CHRM5: variants seen among roughly 807,000 people sequenced by gnomAD.
CHRM5 encodes the protein cholinergic receptor muscarinic 5.
CHRM5 carries 18 observed loss-of-function variants against 39.0 expected under a neutral mutation model. The ratio of observed to expected loss-of-function variants is 0.46; its 90% CI spans 0.32 to 0.68. CHRM5 has a LOEUF of 0.68. CHRM5 is among the 30% of genes least tolerant of loss of function. The probability of loss-of-function intolerance (pLI) is 0.04; values close to 1 mark genes in which losing one functional copy is unlikely to be tolerated. For synonymous variants in CHRM5, 241 were observed against 246.3 expected, an observed-to-expected ratio of 0.98 and a Z score of 0.20; for missense variants, 515 against 651.1, an observed-to-expected ratio of 0.79 and a Z score of 2.28.
At chr15:33,975,767 T>C (rs897428859) in intron 1 of CHRM5, among the ~76,000 whole-genome samples, 2 of 152,106 alleles carry the variant, frequency 1.3e-5, no homozygotes, top group African/African-American at 4.8e-5. Context: ...CCATCTCTAC[T>C]GAGAATACAA....
In CHRM5 at chr15:34,063,900, A is replaced by T. The variant is rs1246594524; in HGVS notation, c.1183A>T (p.Asn395Tyr). Residue 395 changes from asparagine (N) to tyrosine (Y), a missense_variant, in exon 3 of 3, where the codon AAT (asparagine) becomes TAT (tyrosine). Asn to Tyr is a moderately radical substitution (Grantham distance 143). Transcript: ENST00000383263. The surrounding 1 kb of genome is among the most constrained non-coding windows in gnomAD (Gnocchi z 4.1). ...AGCTGACGGGAACCAGGAGACCAAC[A>T]ATGGCTGTCACAAGGTGAAAATCAT... Reference protein sequence around the residue: ...VKADGNQETNNGCHKVKIMPC... With the variant: ...VKADGNQETNYGCHKVKIMPC... The T allele has an allele frequency of 6.2e-7, 1 of 1,614,074 alleles. No homozygotes were observed. The highest frequency in any genetic ancestry group is 8.5e-7 in the Non-Finnish European group (1 of 1,180,034).
At chr15:33,983,709 C>G (rs929172971) in intron 1 of CHRM5, among the ~76,000 whole-genome samples, 1 of 152,026 alleles carries the variant, frequency 6.6e-6, no homozygotes, top group African/African-American at 2.4e-5. Context: ...CTTAGTGACT[C>G]GCTGCTAGTG....
Position 34,038,932 on chromosome 15 carries a change from C to T in CHRM5, c.-407-7608C>T, listed in dbSNP as rs1319346116. On this transcript the variant is annotated intron_variant, in intron 1 of 2. Coordinates refer to ENST00000383263, the MANE Select transcript of CHRM5 (RefSeq NM_012125.4). ...CCGTCCCCGCCGCCGCCTCCGCCGC[C>T]GCCTCTGGCTACCGCCGCTGCGGCT... 8 of 1,104,712 alleles carry T rather than the reference C, an allele frequency of 7.2e-6. No individual in the cohort carries two copies. In the Admixed American group the frequency reaches 3.5e-4, roughly 49 times the overall value. The allele number at this position is 1,104,712 out of a possible 1,614,324, so 68.4% of individuals were successfully genotyped here.
At chr15:34,048,397 G>A (rs1270140364) in intron 2 of CHRM5, among the ~76,000 whole-genome samples, 1 of 145,940 alleles carries the variant, frequency 6.9e-6, no homozygotes, top group Non-Finnish European at 1.5e-5. Flanking sequence ...TGACAAGGAA[G>A]GGTCCCCCAC....
At chr15:33,990,381 G>GA (rs907528236) in intron 1 of CHRM5, among the ~76,000 whole-genome samples, 11 of 147,024 alleles carry the variant, frequency 7.5e-5, no homozygotes, top group East Asian at 5.9e-4. Flanking sequence ...GACCCTGTCT[G>GA]AAAAAAAAAA....
Position 34,037,105 on chromosome 15 carries a change from G to A in CHRM5, c.-407-9435G>A, listed in dbSNP as rs550032860. On this transcript the variant is annotated intron_variant, in intron 1 of 2. Transcript: ENST00000383263. ...GCCTGGGCAACAAGAGTAAAACTCC[G>A]TCTCAAAAAAAAAAAAAAAATATAT... 4.2e-3 allele frequency among the ~76,000 whole-genome samples: 531 copies of A among 125,500 alleles called. 4 individuals carry two copies. Among genetic ancestry groups the A allele is most frequent in the African/African-American group, 0.021 (497 of 23,294 alleles). The allele number at this position is 125,500 out of a possible 152,430, so 82.3% of individuals were successfully genotyped here. A position where few individuals can be genotyped will look rare whatever the true frequency, so the allele number is the denominator to read the frequency against.
intron 1 of CHRM5, among the ~76,000 whole-genome samples, chr15:34,045,476 C>A (rs1391053884): frequency 6.6e-6 from 1 of 152,224 alleles, no homozygotes; most frequent in Non-Finnish European, 1.5e-5. Context: ...AGTCCTTCCT[C>A]ATATCTAACA....
intron 1 of CHRM5, among the ~76,000 whole-genome samples, chr15:33,982,463 A>G (rs1896194739): frequency 6.6e-6 from 1 of 152,200 alleles, no homozygotes; most frequent in South Asian, 2.1e-4. Flanking sequence ...CTACTAAAAT[A>G]TTTTCTGGAG....
At chr15:34,003,058 TCTGTTCCC>T (rs776255372) in intron 1 of CHRM5, 1 of 1,613,892 alleles carries the variant, frequency 6.2e-7, no homozygotes, top group Non-Finnish European at 8.5e-7. Flanking sequence ...GACACTGAAA[TCTGTTCCC>T]CTCTGTGACT....
At chr15:34,047,170 C>T (rs925810909) in intron 2 of CHRM5, among the ~76,000 whole-genome samples, 36 of 151,918 alleles carry the variant, frequency 2.4e-4, no homozygotes, top group African/African-American at 8.7e-4. Flanking sequence ...CTCCGCCTCC[C>T]GGGTTCACGC....
intron 1 of CHRM5, among the ~76,000 whole-genome samples, chr15:33,984,315 A>G (rs1896323928): frequency 6.6e-6 from 1 of 152,138 alleles, no homozygotes; most frequent in South Asian, 2.1e-4. Flanking sequence ...AAGTAATTGG[A>G]CCTTAATGTC....
chr15:33,993,182 T>C (rs1641955043), intron 1 of CHRM5, among the ~76,000 whole-genome samples: 1 of 152,198 alleles, frequency 6.6e-6, no homozygotes, highest in Non-Finnish European at 1.5e-5. Flanking sequence ...AGAAGAAATT[T>C]CTCATAGATC....
At chr15:34,003,294 G>A (rs1897211533) in intron 1 of CHRM5, 1 of 1,184,864 alleles carries the variant, frequency 8.4e-7, no homozygotes, top group Non-Finnish European at 1.2e-6. Flanking sequence ...AAAGTACATG[G>A]ACATAACAAT....
rs1157922141 is a variant in CHRM5 at position 34,037,615 on chromosome 15, T to TA, written c.-407-8924dup. On this transcript the variant is annotated intron_variant, in intron 1 of 2. Transcript: ENST00000383263. ...TATATAGTGGGCACTAGGTTGGTCT[T>TA]AGTTTCTGTCATTTACCTTAGTTTC... 1.2e-4 allele frequency among the ~76,000 whole-genome samples: 18 copies of TA among 150,786 alleles called. 1 individual carries two copies. The highest frequency in any genetic ancestry group is 2.1e-4 in the South Asian group (1 of 4,820).
chr15:33,992,631 C>G (rs1036531854), intron 1 of CHRM5, among the ~76,000 whole-genome samples: 1 of 150,128 alleles, frequency 6.7e-6, no homozygotes, highest in South Asian at 2.1e-4. Flanking sequence ...TAATATGAGA[C>G]TATATTGGCA....
intron 1 of CHRM5, chr15:33,972,462 G>A (rs1198154257): frequency 1.3e-5 from 2 of 151,836 alleles, no homozygotes; most frequent in South Asian, 2.1e-4. Flanking sequence ...AGGGCAGGGA[G>A]GGGGCTGGTT....
At position 34,064,191 on chromosome 15, in the gene CHRM5, C is replaced by G; in HGVS notation, c.1474C>G (p.Pro492Ala). The G allele has an allele frequency of 6.2e-7, 1 of 1,614,136 alleles. No individual in the cohort carries two copies. Among genetic ancestry groups the G allele is most frequent in the Non-Finnish European group, 8.5e-7 (1 of 1,180,024 alleles). Reference protein sequence around the residue: ...WLCYVNSTVNPICYALCNRTF... With the variant: ...WLCYVNSTVNAICYALCNRTF... ...GTGCTATGTCAATAGCACTGTCAAC[C>G]CCATCTGCTATGCCCTCTGCAACAG... The change falls in exon 3 of 3, where the codon CCC becomes GCC. Residue 492 changes from proline (P) to alanine (A), a missense_variant. Pro to Ala is a conservative substitution (Grantham distance 27, BLOSUM62 -1). Transcript: ENST00000383263.
At chr15:34,051,574 A>G (rs1418671203) in intron 2 of CHRM5, among the ~76,000 whole-genome samples, 1 of 151,944 alleles carries the variant, frequency 6.6e-6, no homozygotes, top group Non-Finnish European at 1.5e-5. Flanking sequence ...GAAAATAGGT[A>G]AAATAGATAA....
rs756889023 is a variant in CHRM5 at position 33,983,191 on chromosome 15, T to C, written c.-408+14041T>C. 6.3e-5 allele frequency among the ~76,000 whole-genome samples: 6 copies of C among 94,604 alleles called. 1 individual carries two copies. The South Asian group carries it at 2.7e-3, about 43-fold the overall frequency. 62.1% of individuals were successfully genotyped at this position (94,604 alleles called of 152,430 possible). On this transcript the variant is annotated intron_variant, in intron 1 of 2. Coordinates refer to ENST00000383263, the MANE Select transcript of CHRM5 (RefSeq NM_012125.4). ...GTGTGTATATATACACACGTGTGTG[T>C]ATGTGTGTGTATATATATATATACA...
Sources: allele counts gnomAD v4.1 joint callset (sites outside exome capture counted in the v4.1 genomes callset), GRCh38; gene constraint gnomAD v4.1.1; non-coding constraint Gnocchi (gnomAD v3.1); transcripts MANE v1.5; gene names NCBI Gene and HGNC (gene_info 2026-07-23, HGNC 2026-07-21).